Variants in AGBL4 observed in about 807,000 individuals in gnomAD.
AGBL4 encodes the protein AGBL carboxypeptidase 4, also known as cytosolic carboxypeptidase 6.
A neutral mutation model predicts 66.4 loss-of-function variants in AGBL4; 58 were observed. The observed-to-expected ratio is 0.87, with a 90% CI of 0.71 to 1.09. AGBL4 has a LOEUF of 1.09. AGBL4 is among the 50% of genes least tolerant of loss of function. The probability of loss-of-function intolerance (pLI) is 0.00; values close to 1 mark genes in which losing one functional copy is unlikely to be tolerated. For synonymous variants in AGBL4, 234 were observed against 222.9 expected (o/e 1.05, Z -0.44); for missense variants, 579 against 631.0 (o/e 0.92, Z 0.88).
chr1:49,745,735 A>C (rs544414141), intron 2 of AGBL4, among the ~76,000 whole-genome samples: 2 of 152,098 alleles, frequency 1.3e-5, no homozygotes, highest in East Asian at 1.9e-4. Context: ...AAAGTCCCAA[A>C]ATATATCACA....
chr1:48,894,058 GA>G (rs1276140049), intron 5 of AGBL4, among the ~76,000 whole-genome samples: 2 of 152,132 alleles, frequency 1.3e-5, no homozygotes, highest in East Asian at 3.8e-4. Flanking sequence ...AGGCTGGTTT[GA>G]GGAAAAAATA....
intron 3 of AGBL4, among the ~76,000 whole-genome samples, chr1:49,590,097 A>G (rs773203494): frequency 5.9e-5 from 9 of 152,062 alleles, no homozygotes; most frequent in Non-Finnish European, 1.3e-4. Context: ...AGATATATAT[A>G]TCCTTTGACC....
intron 4 of AGBL4, among the ~76,000 whole-genome samples, chr1:49,106,382 G>A (rs1195315907): frequency 1.3e-5 from 2 of 152,152 alleles, no homozygotes; most frequent in Admixed American, 1.3e-4. Flanking sequence ...CAACTTCTGA[G>A]TATGTTCATT....
chr1:49,213,783 T>C (rs771823157), intron 4 of AGBL4, among the ~76,000 whole-genome samples: 9 of 152,064 alleles, frequency 5.9e-5, no homozygotes, highest in Non-Finnish European at 1.3e-4. Flanking sequence ...CAGGCCAGCT[T>C]ATATACCTCC....
intron 3 of AGBL4, among the ~76,000 whole-genome samples, chr1:49,596,931 G>A (rs1644864144): frequency 6.6e-6 from 1 of 152,206 alleles, no homozygotes; most frequent in African/African-American, 2.4e-5. Flanking sequence ...TCAATAGCAA[G>A]CAATTTGGGG....
At chr1:49,099,684 C>T (rs1424198807) in intron 4 of AGBL4, among the ~76,000 whole-genome samples, 1 of 152,114 alleles carries the variant, frequency 6.6e-6, no homozygotes, top group Non-Finnish European at 1.5e-5. Flanking sequence ...CTGCCTGTCA[C>T]CCTAGACTGT....
At chr1:48,608,971 C>T (rs911146559) in intron 9 of AGBL4, among the ~76,000 whole-genome samples, 1 of 152,112 alleles carries the variant, frequency 6.6e-6, no homozygotes, top group East Asian at 1.9e-4. Context: ...CGTTATGATC[C>T]TCATTTTATT....
At chr1:49,488,517 C>A (rs1265996127) in intron 3 of AGBL4, among the ~76,000 whole-genome samples, 1 of 151,692 alleles carries the variant, frequency 6.6e-6, no homozygotes. Context: ...TCCATCACCT[C>A]AAGCATTTAT....
chr1:49,046,731 T>C (rs916696343), intron 4 of AGBL4, among the ~76,000 whole-genome samples: 4 of 152,198 alleles, frequency 2.6e-5, no homozygotes, highest in Non-Finnish European at 5.9e-5. Context: ...ACTAACTACA[T>C]GGACAATTCC....
At chr1:48,945,753 T>C (rs1656446835) in intron 5 of AGBL4, among the ~76,000 whole-genome samples, 1 of 152,188 alleles carries the variant, frequency 6.6e-6, no homozygotes, top group Non-Finnish European at 1.5e-5. Context: ...GAGGCAATGT[T>C]AAGAGTCAGT....
At chr1:49,325,908 GA>G (rs1486080463) in intron 3 of AGBL4, among the ~76,000 whole-genome samples, 1 of 152,158 alleles carries the variant, frequency 6.6e-6, no homozygotes, top group East Asian at 1.9e-4. Flanking sequence ...CTCCATGGGA[GA>G]CTTTTCAGTC....
In AGBL4 at chr1:49,851,450, A is replaced by G; in HGVS notation, c.103T>C (p.Tyr35His). The change falls in exon 2 of 14, where the codon TAT (tyrosine) becomes CAT (histidine). Residue 35 changes from tyrosine (Y) to histidine (H), a missense_variant. Coordinates refer to ENST00000371839, the MANE Select transcript of AGBL4 (RefSeq NM_032785.4). ...VSKYIVLPTG[Y>H]CGQPKKGHLI... ...TGTCCTTTCTTGGGCTGTCCACAAT[A>G]GCCAGTTGGAAGCACTATATATTTG... 2 of 1,550,726 alleles carry G rather than the reference A, an allele frequency of 1.3e-6. No individual in the cohort carries two copies. The highest frequency in any genetic ancestry group is 1.2e-5 in the South Asian group (1 of 83,958).
chr1:49,854,452 G>C (rs547160467), intron 1 of AGBL4, among the ~76,000 whole-genome samples: 1 of 152,236 alleles, frequency 6.6e-6, no homozygotes, highest in East Asian at 1.9e-4. Flanking sequence ...AGCCACAGGA[G>C]ACTCTAGCAT....
At chr1:49,056,576 T>C (rs1399283974) in intron 4 of AGBL4, among the ~76,000 whole-genome samples, 1 of 152,036 alleles carries the variant, frequency 6.6e-6, no homozygotes, top group Non-Finnish European at 1.5e-5. Flanking sequence ...TCAGTGTGAA[T>C]AAATAGGAAT....
At chr1:49,130,086 G>GT (rs1645858188) in intron 4 of AGBL4, among the ~76,000 whole-genome samples, 1 of 152,070 alleles carries the variant, frequency 6.6e-6, no homozygotes, top group South Asian at 2.1e-4. Flanking sequence ...ATTTTTTCAT[G>GT]TGTCTGTTGG....
At chr1:49,520,001 T>G (rs1014315253) in intron 3 of AGBL4, among the ~76,000 whole-genome samples, 7 of 152,076 alleles carry the variant, frequency 4.6e-5, no homozygotes, top group Non-Finnish European at 1.0e-4. Flanking sequence ...TTTAAAAATA[T>G]AGATGGAGAA....
At chr1:48,845,981 A>G (rs1002604497) in intron 6 of AGBL4, among the ~76,000 whole-genome samples, 2 of 152,186 alleles carry the variant, frequency 1.3e-5, no homozygotes. Flanking sequence ...CATAGGCTGA[A>G]GTATCTGGTC....
chr1:48,948,675 G>A (rs1286176658), intron 5 of AGBL4, among the ~76,000 whole-genome samples: 1 of 152,186 alleles, frequency 6.6e-6, no homozygotes, highest in African/African-American at 2.4e-5. Flanking sequence ...GAGCAAAGGT[G>A]AGGCAATGAT....
intron 3 of AGBL4, among the ~76,000 whole-genome samples, chr1:49,401,476 G>T (rs1297450242): frequency 2.3e-4 from 35 of 152,108 alleles, no homozygotes; most frequent in Admixed American, 2.3e-3. Context: ...TAGTAGATTT[G>T]CACATGTTGA....
Sources: allele counts gnomAD v4.1 joint callset (sites outside exome capture counted in the v4.1 genomes callset), GRCh38; gene constraint gnomAD v4.1.1; transcripts MANE v1.5; gene names NCBI Gene and HGNC (gene_info 2026-07-23, HGNC 2026-07-21).